The following ABTB2 variants were observed in gnomAD, a reference collection of about 807,000 sequenced individuals.
ABTB2 encodes ankyrin repeat and BTB/POZ domain-containing protein 2.
A neutral mutation model predicts 104.1 loss-of-function variants in ABTB2; 56 were observed. That is an observed-to-expected ratio of 0.54 (90% CI 0.43 to 0.67). The LOEUF is 0.67. Among genes scored for constraint, ABTB2 ranks in the 30% least tolerant of loss-of-function variants. The pLI is 0.00. For missense variants in ABTB2, 1,279 were observed against 1,407.7 expected (o/e 0.91, Z 1.46); for synonymous variants, 606 against 608.2 (o/e 1.00, Z 0.05).
chr11:34,295,270 G>A (rs1013834712), intron 1 of ABTB2, among the ~76,000 whole-genome samples: 3 of 152,174 alleles, frequency 2.0e-5, no homozygotes, highest in African/African-American at 7.2e-5. Context: ...AGAAGTACAG[G>A]AGCAATGATC....
intron 1 of ABTB2, among the ~76,000 whole-genome samples, chr11:34,352,311 A>C (rs1353989489): frequency 6.6e-6 from 1 of 152,226 alleles, no homozygotes; most frequent in Non-Finnish European, 1.5e-5. Flanking sequence ...AGTAGTATTG[A>C]TATTACTGGC....
chr11:34,352,024 G>A (rs75189379), intron 1 of ABTB2, among the ~76,000 whole-genome samples: 4,469 of 152,264 alleles, frequency 0.029, 233 homozygotes, highest in African/African-American at 0.1. Context: ...ATAGGAAGCA[G>A]CCCTCATCCT....
chr11:34,229,319 A>G (rs1214650109), intron 1 of ABTB2, among the ~76,000 whole-genome samples: 1 of 151,100 alleles, frequency 6.6e-6, no homozygotes, highest in Non-Finnish European at 1.5e-5. Flanking sequence ...GTCTCTACCA[A>G]AAATACAAAA....
At chr11:34,168,219 C>T (rs1190702002) in intron 5 of ABTB2, among the ~76,000 whole-genome samples, 2 of 152,206 alleles carry the variant, frequency 1.3e-5, no homozygotes, top group Non-Finnish European at 2.9e-5. Context: ...GGGCCCAGCA[C>T]AGGCCGTGCA....
intron 1 of ABTB2, among the ~76,000 whole-genome samples, chr11:34,323,883 C>T (rs1490977501): frequency 6.8e-6 from 1 of 146,540 alleles, no homozygotes; most frequent in Non-Finnish European, 1.5e-5. Context: ...CTAATGAGCA[C>T]TTTACATCAA....
chr11:34,177,878 T>C (rs1166107636), intron 3 of ABTB2, among the ~76,000 whole-genome samples: 2 of 152,158 alleles, frequency 1.3e-5, no homozygotes, highest in Non-Finnish European at 2.9e-5. Flanking sequence ...CAACGCCTTC[T>C]TGATTCCAGC....
intron 1 of ABTB2, among the ~76,000 whole-genome samples, chr11:34,353,948 G>C (rs1855430798): frequency 6.6e-6 from 1 of 152,186 alleles, no homozygotes; most frequent in Non-Finnish European, 1.5e-5. Flanking sequence ...CAAAGGTTTG[G>C]ACCACTCCAT....
intron 1 of ABTB2, among the ~76,000 whole-genome samples, chr11:34,322,244 T>C (rs939626295): frequency 1.3e-5 from 2 of 152,198 alleles, no homozygotes; most frequent in Non-Finnish European, 2.9e-5. Flanking sequence ...TAGAATCTGA[T>C]TCAAACTAAT....
At chr11:34,264,937 T>C (rs1422164167) in intron 1 of ABTB2, among the ~76,000 whole-genome samples, 4 of 152,224 alleles carry the variant, frequency 2.6e-5, no homozygotes, top group Admixed American at 6.5e-5. Flanking sequence ...ATGTCCTTGG[T>C]CACCAAAATG....
At chr11:34,223,686 C>T (rs1167019936) in intron 1 of ABTB2, among the ~76,000 whole-genome samples, 6 of 152,164 alleles carry the variant, frequency 3.9e-5, no homozygotes, top group Admixed American at 1.3e-4. Context: ...TCCTGCGCCC[C>T]GGCATCAGCC....
chr11:34,157,692 C>A (rs945771696), intron 14 of ABTB2, among the ~76,000 whole-genome samples: 2 of 152,194 alleles, frequency 1.3e-5, no homozygotes, highest in Non-Finnish European at 2.9e-5. Context: ...AGACCCTGGG[C>A]CTCCCCTCCT....
Position 34,197,523 on chromosome 11 carries a change from CG to C in ABTB2, c.1045del (p.Arg349ValfsTer61). ...ACGCCCCTGCATGTGGTGCATGGCA[CG>C]GGAGACCAAGTCACCTGGTGGGGGG... ...SISELSDLVS[R>X]AMHHMQGRHP... On this transcript the variant is annotated frameshift_variant, in exon 3 of 17. Transcript: ENST00000435224. LOFTEE classifies it high-confidence loss of function. 6.3e-7 allele frequency: 1 copy of C among 1,574,964 alleles called. No homozygotes were observed. Among genetic ancestry groups the C allele is most frequent in the Non-Finnish European group, 8.6e-7 (1 of 1,167,044 alleles).
intron 1 of ABTB2, among the ~76,000 whole-genome samples, chr11:34,265,568 G>A (rs916423973): frequency 1.4e-5 from 2 of 147,962 alleles, no homozygotes; most frequent in Non-Finnish European, 1.5e-5. Context: ...GCTGAGACGA[G>A]AATCGCTTGA....
intron 1 of ABTB2, among the ~76,000 whole-genome samples, chr11:34,298,658 T>C (rs7119016): frequency 0.1 from 15,203 of 151,936 alleles, 2,304 homozygotes; most frequent in African/African-American, 0.33. Context: ...GATGGGGTTT[T>C]GCCATGTTGG....
intron 3 of ABTB2, among the ~76,000 whole-genome samples, chr11:34,173,901 GA>G (rs1852922929): frequency 1.3e-5 from 2 of 152,152 alleles, no homozygotes; most frequent in Non-Finnish European, 2.9e-5. Flanking sequence ...AGGCTGTCAT[GA>G]GGCCAAATGG....
chr11:34,152,658 AC>A (rs1219228183), intron 16 of ABTB2, 74 bp from the exon 17 acceptor site: 1 of 1,417,732 alleles, frequency 7.1e-7, no homozygotes, highest in African/African-American at 1.4e-5. Flanking sequence ...CCCAAATACT[AC>A]CTACCCATGG....
chr11:34,228,543 C>T (rs1164939814), intron 1 of ABTB2, among the ~76,000 whole-genome samples: 2 of 152,012 alleles, frequency 1.3e-5, no homozygotes, highest in South Asian at 2.1e-4. Context: ...CGCCACCATA[C>T]CTAGATAATT....
rs773739679 is a variant in ABTB2 at position 34,356,691 on chromosome 11, G to A, written c.883+10C>T. On this transcript the variant is annotated intron_variant, in intron 1 of 16. Coordinates refer to ENST00000435224, the MANE Select transcript of ABTB2 (RefSeq NM_145804.3). This position sits in a 1 kb window ranked among gnomAD's most constrained non-coding sequence, Gnocchi z 4.6. ...TACCCAGTCTGCCAGTCCGAGGCCC[G>A]CGCGCTTACCATTGGCGTTCTTGCC... The A allele has an allele frequency of 6.4e-6, 10 of 1,571,308 alleles. No individual in the cohort carries two copies. The highest frequency in any genetic ancestry group is 2.7e-5 in the African/African-American group (2 of 74,154).
At chr11:34,345,368 G>A (rs577822284) in intron 1 of ABTB2, among the ~76,000 whole-genome samples, 1 of 152,196 alleles carries the variant, frequency 6.6e-6, no homozygotes, top group African/African-American at 2.4e-5. Flanking sequence ...TTATCCACAG[G>A]GCCTGCACCC....
Sources: allele counts gnomAD v4.1 joint callset (sites outside exome capture counted in the v4.1 genomes callset), GRCh38; gene constraint gnomAD v4.1.1; non-coding constraint Gnocchi (gnomAD v3.1); transcripts MANE v1.5; gene names NCBI Gene and HGNC (gene_info 2026-07-23, HGNC 2026-07-21).